Variants in ADGRL2 observed in about 807,000 individuals in gnomAD.
The protein encoded by ADGRL2 is adhesion G protein-coupled receptor L2, also known as calcium-independent alpha-latrotoxin receptor 2.
A neutral mutation model predicts 157.4 loss-of-function variants in ADGRL2; 44 were observed. That is an observed-to-expected ratio of 0.28 (90% CI 0.22 to 0.36). ADGRL2 has a LOEUF of 0.36. Ranked by LOEUF, ADGRL2 falls within the 10% of genes least tolerant of loss-of-function variation. ADGRL2 has a pLI of 1.00. For synonymous variants in ADGRL2, 585 were observed against 624.7 expected, an observed-to-expected ratio of 0.94 and a Z score of 0.95; for missense variants, 1,510 against 1,768.9, an observed-to-expected ratio of 0.85 and a Z score of 2.63.
At chr1:81,694,456 A>T (rs909529543) in intron 3 of ADGRL2, among the ~76,000 whole-genome samples, 3 of 152,050 alleles carry the variant, frequency 2.0e-5, no homozygotes, top group African/African-American at 7.2e-5. Flanking sequence ...TAATAAAAAA[A>T]TTAGTGATTA....
chr1:81,810,180 ATTC>A (rs1202028186), intron 1 of ADGRL2, among the ~76,000 whole-genome samples: 1 of 151,970 alleles, frequency 6.6e-6, no homozygotes, highest in Non-Finnish European at 1.5e-5. Context: ...CTAATCATTT[ATTC>A]TTAACATTGT....
intron 2 of ADGRL2, among the ~76,000 whole-genome samples, chr1:81,466,450 AG>A: frequency 6.6e-6 from 1 of 152,158 alleles, no homozygotes; most frequent in Non-Finnish European, 1.5e-5. Context: ...ACCCTGCTCC[AG>A]TGACTGCCCT....
At chr1:81,458,771 C>T (rs1031346286) in intron 2 of ADGRL2, among the ~76,000 whole-genome samples, 18 of 152,120 alleles carry the variant, frequency 1.2e-4, no homozygotes, top group African/African-American at 3.9e-4. Flanking sequence ...AGCTTTTGCT[C>T]GGGGAGTCCT....
intron 1 of ADGRL2, among the ~76,000 whole-genome samples, chr1:81,334,182 T>G (rs1371872866): frequency 6.6e-6 from 1 of 152,226 alleles, no homozygotes; most frequent in African/African-American, 2.4e-5. Flanking sequence ...TAGACTGTGT[T>G]TCATCTGGTT....
chr1:81,920,671 C>T (rs1010160433), intron 3 of ADGRL2, among the ~76,000 whole-genome samples: 2 of 152,116 alleles, frequency 1.3e-5, no homozygotes, highest in Non-Finnish European at 2.9e-5. Flanking sequence ...TGCGACTGCA[C>T]TGGAGTTCGC....
At chr1:81,318,465 G>T (rs538632647) in intron 1 of ADGRL2, among the ~76,000 whole-genome samples, 8 of 151,944 alleles carry the variant, frequency 5.3e-5, no homozygotes, top group Non-Finnish European at 1.2e-4. Context: ...TGTAAAATGG[G>T]GGCAATACTG....
At chr1:81,573,557 G>A (rs2080737817) in intron 2 of ADGRL2, among the ~76,000 whole-genome samples, 1 of 152,112 alleles carries the variant, frequency 6.6e-6, no homozygotes, top group African/African-American at 2.4e-5. Flanking sequence ...AATGAAAATA[G>A]TGAAGTAGGC....
At chr1:81,755,988 G>A (rs1271786525) in intron 1 of ADGRL2, among the ~76,000 whole-genome samples, 1 of 151,974 alleles carries the variant, frequency 6.6e-6, no homozygotes, top group African/African-American at 2.4e-5. Flanking sequence ...AAGGTCCCCA[G>A]GTATGCACAT....
intron 1 of ADGRL2, among the ~76,000 whole-genome samples, chr1:81,310,345 C>A (rs1430671681): frequency 6.6e-6 from 1 of 152,114 alleles, no homozygotes; most frequent in Non-Finnish European, 1.5e-5. Context: ...AAAAGATGAA[C>A]TATTACGCAT....
chr1:81,753,259 G>A (rs1039257896), intron 1 of ADGRL2, among the ~76,000 whole-genome samples: 11 of 152,198 alleles, frequency 7.2e-5, no homozygotes, highest in Admixed American at 7.2e-4. Context: ...GAAGGAGCAA[G>A]TCACATCTTA....
At chr1:81,353,885 C>T (rs1203907493) in intron 1 of ADGRL2, among the ~76,000 whole-genome samples, 1 of 152,118 alleles carries the variant, frequency 6.6e-6, no homozygotes, top group East Asian at 1.9e-4. Flanking sequence ...GAAAGGGCGA[C>T]AGCGTCCCAG....
chr1:81,811,653 T>G (rs2089882500), intron 1 of ADGRL2, among the ~76,000 whole-genome samples: 1 of 151,812 alleles, frequency 6.6e-6, no homozygotes, highest in Non-Finnish European at 1.5e-5. Flanking sequence ...AAGAGCATTT[T>G]GCAACCCAGA....
At chr1:81,964,098 G>T (rs12071113) in intron 11 of ADGRL2, among the ~76,000 whole-genome samples, 42,145 of 151,710 alleles carry the variant, frequency 0.28, 6,368 homozygotes, top group Middle Eastern at 0.36. Context: ...ACTGAGAGCT[G>T]TAGTCATGAT....
chr1:81,947,175 G>A (rs534653559), intron 6 of ADGRL2, among the ~76,000 whole-genome samples: 1 of 152,230 alleles, frequency 6.6e-6, no homozygotes, highest in South Asian at 2.1e-4. Context: ...GTTTGGATTA[G>A]AGTCATAATT....
intron 1 of ADGRL2, among the ~76,000 whole-genome samples, chr1:81,366,285 T>C (rs772743481): frequency 1.7e-5 from 2 of 118,040 alleles, no homozygotes; most frequent in Non-Finnish European, 3.8e-5. Flanking sequence ...ATATGACACA[T>C]TTGGCTCCAG....
chr1:81,604,092 T>C (rs1344275295), intron 3 of ADGRL2, among the ~76,000 whole-genome samples: 1 of 151,880 alleles, frequency 6.6e-6, no homozygotes, highest in Non-Finnish European at 1.5e-5. Flanking sequence ...GACTCCTGAA[T>C]AGCTGGGATT....
intron 3 of ADGRL2, among the ~76,000 whole-genome samples, chr1:81,671,307 C>T (rs2082870600): frequency 6.6e-6 from 1 of 152,204 alleles, no homozygotes; most frequent in Non-Finnish European, 1.5e-5. Context: ...TAACCACTCA[C>T]TAAACTGTAC....
intron 1 of ADGRL2, among the ~76,000 whole-genome samples, chr1:81,433,714 G>A (rs950595857): frequency 6.6e-6 from 1 of 152,122 alleles, no homozygotes; most frequent in South Asian, 2.1e-4. Context: ...GCATAATAAA[G>A]CACCCTGAAA....
At chr1:81,382,725 A>G (rs549886503) in intron 1 of ADGRL2, among the ~76,000 whole-genome samples, 26 of 152,306 alleles carry the variant, frequency 1.7e-4, no homozygotes, top group Admixed American at 5.2e-4. Context: ...AGATGAAGAG[A>G]AACTTTGATT....
Sources: gnomAD v4.1 joint callset for allele counts (sites outside exome capture counted in the v4.1 genomes callset) on GRCh38, gnomAD v4.1.1 for gene constraint, MANE v1.5 for transcripts, NCBI Gene and HGNC (gene_info 2026-07-23, HGNC 2026-07-21) for gene names.